Variants in XRN1 observed in about 807,000 individuals in gnomAD.
XRN1 encodes strand-exchange protein 1 homolog.
XRN1 carries 67 observed loss-of-function variants against 222.3 expected under a neutral mutation model. The observed-to-expected ratio is 0.30, with a 90% confidence interval of 0.25 to 0.37. The LOEUF is 0.37. Among genes scored for constraint, XRN1 ranks in the 10% least tolerant of loss-of-function variants. The pLI is 1.00. For synonymous variants in XRN1, 643 were observed against 652.4 expected (o/e 0.99, Z 0.22); for missense variants, 1,707 against 2,000.2 (o/e 0.85, Z 2.80).
chr3:142,403,287 C>T (rs1056274972), intron 18 of XRN1, among the ~76,000 whole-genome samples: 6 of 152,078 alleles, frequency 3.9e-5, no homozygotes, highest in African/African-American at 1.4e-4. Context: ...AGGTTAAAAA[C>T]AATAATATAT....
rs1361143466 is a variant in XRN1, at chr3:142,392,894, T to C, written c.2339+4435A>G. ...TTCCAGTTCTAGATCCCTGAGGAAT[T>C]GCCACACTGACTTCCACAATGGTTG... is the stretch of plus-strand genomic sequence containing the variant. On this transcript the variant is annotated intron_variant, in intron 20 of 40. Coordinates refer to ENST00000392981, the MANE Select transcript of XRN1 (RefSeq NM_001282857.2). Among the ~76,000 whole-genome samples the C allele has an allele frequency of 8.4e-3, 1,250 of 148,998 alleles. 14 individuals carry two copies. Among genetic ancestry groups the C allele is most frequent in the African/African-American group, 0.029 (1,136 of 39,582 alleles).
At chr3:142,315,488 T>C (rs1001946316) in intron 39 of XRN1, among the ~76,000 whole-genome samples, 1 of 151,234 alleles carries the variant, frequency 6.6e-6, no homozygotes, top group African/African-American at 2.4e-5. Context: ...ACATATACAT[T>C]GTACTAAAAA....
At chr3:142,433,339 C>G (rs931241658) in intron 1 of XRN1, among the ~76,000 whole-genome samples, 2 of 152,066 alleles carry the variant, frequency 1.3e-5, no homozygotes, top group Non-Finnish European at 2.9e-5. Context: ...GATGTAAAGC[C>G]TAATTGTATA....
chr3:142,401,316 T>C (rs2068120448), intron 18 of XRN1, among the ~76,000 whole-genome samples: 1 of 152,168 alleles, frequency 6.6e-6, no homozygotes, highest in African/African-American at 2.4e-5. Context: ...TACCTTACAA[T>C]GTTGAGGATA....
chr3:142,376,353 T>G, intron 24 of XRN1, 126 bp downstream of exon 24: 1 of 840,916 alleles, frequency 1.2e-6, no homozygotes, highest in Non-Finnish European at 1.9e-6. Flanking sequence ...ATCAGAGAAA[T>G]TTATGCACAA....
chr3:142,397,360 A>T lies in XRN1; in HGVS notation c.2308T>A (p.Trp770Arg), dbSNP rs778270766. 1.9e-6 allele frequency: 3 copies of T among 1,602,244 alleles called. No homozygotes were observed. The East Asian group carries it at 6.7e-5, about 36-fold the overall frequency. Residue 770 changes from tryptophan to arginine, a missense_variant, in exon 20 of 41, where the codon TGG becomes AGG. By Grantham distance (101) the Trp-to-Arg change is moderately radical. This residue lies in a region of XRN1 where 1,234 missense variants were observed against 1,518.2 expected (regional missense o/e 0.81). Transcript: ENST00000392981. Reference protein sequence around the residue: ...VHLGDKEQSNWAKEVQGISEH... With the variant: ...VHLGDKEQSNRAKEVQGISEH... ...GAAATTCCTTGTACTTCTTTTGCCC[A>T]GTTAGATTGTTCTTTATCTCCAAGA...
At chr3:142,335,186 G>C (rs1487553239) in intron 34 of XRN1, among the ~76,000 whole-genome samples, 1 of 152,090 alleles carries the variant, frequency 6.6e-6, no homozygotes, top group Non-Finnish European at 1.5e-5. Context: ...GAAAATTGAG[G>C]CTGTGAGAGG....
Position 142,307,495 on chromosome 3 carries a change from T to C in XRN1, c.*4016A>G, listed in dbSNP as rs538031092. 3 of 152,342 alleles carry C rather than the reference T, an allele frequency of 2.0e-5. No individual in the cohort carries two copies. Among genetic ancestry groups the C allele is most frequent in the African/African-American group, 4.8e-5 (2 of 41,584 alleles). The allele number at this position is 152,342 out of a possible 1,614,324, so 9.4% of individuals were successfully genotyped here. On this transcript the variant is annotated 3_prime_UTR_variant, in exon 41 of 41. Transcript: ENST00000392981. Reference sequence around the variant, plus strand: ...TGATTGAGCAAGGCATTATTATTTGTTCACTGACACACACACAAAAGCAGC... The same window carrying C: ...TGATTGAGCAAGGCATTATTATTTGCTCACTGACACACACACAAAAGCAGC...
chr3:142,371,401 T>C, intron 25 of XRN1, 73 bp from the exon 26 acceptor site: 1 of 1,088,722 alleles, frequency 9.2e-7, no homozygotes, highest in Non-Finnish European at 1.3e-6. Context: ...ACATAATAAT[T>C]TCAGATCCTA....
intron 29 of XRN1, among the ~76,000 whole-genome samples, chr3:142,364,361 T>C (rs1294626925): frequency 6.6e-6 from 1 of 152,206 alleles, no homozygotes; most frequent in Non-Finnish European, 1.5e-5. Context: ...ATCTATGCTA[T>C]AAAGCTGGTT....
At chr3:142,431,840 TTA>T (rs2069542782) in intron 2 of XRN1, among the ~76,000 whole-genome samples, 2 of 78,394 alleles carry the variant, frequency 2.6e-5, no homozygotes, top group Non-Finnish European at 4.6e-5. Flanking sequence ...ATATATAATA[TTA>T]AAAAATATAT....
rs370155753 is a variant in XRN1, at chr3:142,411,971, C to T, written c.1713+573G>A. ...TCGAGTAGCTGGGACTACAGGCGCC[C>T]GCCACCTTGCCCGGCTAATTTTTTG... On this transcript the variant is annotated intron_variant, in intron 15 of 40. Coordinates refer to ENST00000392981, the MANE Select transcript of XRN1 (RefSeq NM_001282857.2). Among the ~76,000 whole-genome samples, 40 of 151,952 alleles carry T rather than the reference C, an allele frequency of 2.6e-4. No individual in the cohort carries two copies. In the South Asian group the frequency reaches 2.9e-3, roughly 11 times the overall value.
At chr3:142,340,193 T>C (rs1413564414) in intron 33 of XRN1, among the ~76,000 whole-genome samples, 1 of 151,900 alleles carries the variant, frequency 6.6e-6, no homozygotes, top group Non-Finnish European at 1.5e-5. Flanking sequence ...CTGTCTCTAC[T>C]AAAAATACAA....
At chr3:142,439,246 C>T (rs1577454850) in intron 1 of XRN1, among the ~76,000 whole-genome samples, 1 of 152,174 alleles carries the variant, frequency 6.6e-6, no homozygotes, top group African/African-American at 2.4e-5. Context: ...GAAGTGCCGC[C>T]ATAACTGCAG....
At chr3:142,341,212 G>T (rs886211558) in intron 33 of XRN1, among the ~76,000 whole-genome samples, 1 of 152,076 alleles carries the variant, frequency 6.6e-6, no homozygotes, top group African/African-American at 2.4e-5. Context: ...AAGCAGTGTT[G>T]TTAAGTGTTA....
At chr3:142,422,945 G>A in intron 6 of XRN1, 23 bp from the exon 7 acceptor site, 1 of 1,559,014 alleles carries the variant, frequency 6.4e-7, no homozygotes, top group Non-Finnish European at 8.7e-7. Flanking sequence ...AGATGATCAA[G>A]ATACAGTGAA....
intron 30 of XRN1, among the ~76,000 whole-genome samples, chr3:142,357,520 G>A (rs2066495770): frequency 6.6e-6 from 1 of 151,984 alleles, no homozygotes; most frequent in South Asian, 2.1e-4. Context: ...TCGAACTCCT[G>A]GGCTCAAGCA....
At chr3:142,361,558 C>T (rs1171608663) in intron 29 of XRN1, among the ~76,000 whole-genome samples, 4 of 152,172 alleles carry the variant, frequency 2.6e-5, no homozygotes, top group Non-Finnish European at 5.9e-5. Flanking sequence ...TTACGACTGG[C>T]AATATAGGAG....
In XRN1 at chr3:142,308,878, G is replaced by T. The variant is rs1033697149; in HGVS notation, c.*2633C>A. 6.6e-6 allele frequency: 1 copy of T among 152,302 alleles called. No individual in the cohort carries two copies. Among genetic ancestry groups the T allele is most frequent in the Non-Finnish European group, 1.5e-5 (1 of 68,022 alleles). 9.4% of individuals were successfully genotyped at this position (152,302 alleles called of 1,614,324 possible). A position where few individuals can be genotyped will look rare whatever the true frequency, so the allele number is the denominator to read the frequency against. ...AGTCCTCAGAAGATTCAAGTTGAAT[G>T]AGCATATTTTTAAACTTTGGGGGTG... On this transcript the variant is annotated 3_prime_UTR_variant, in exon 41 of 41. Transcript: ENST00000392981.
Sources: allele counts gnomAD v4.1 joint callset (sites outside exome capture counted in the v4.1 genomes callset), GRCh38; gene constraint gnomAD v4.1.1; regional missense constraint gnomAD v4.1.1; transcripts MANE v1.5; gene names NCBI Gene and HGNC (gene_info 2026-07-23, HGNC 2026-07-21).